Variants in HNRNPR observed in about 807,000 individuals in gnomAD.
HNRNPR encodes the protein heterogeneous nuclear ribonucleoprotein R.
Under a neutral mutation model 70.3 loss-of-function variants are expected in HNRNPR, and 4 were observed. That is an observed-to-expected ratio of 0.06 (90% confidence interval 0.03 to 0.13). HNRNPR has a LOEUF of 0.13. Among genes scored for constraint, HNRNPR ranks in the 10% least tolerant of loss-of-function variants. The pLI is 1.00. For synonymous variants in HNRNPR, 241 were observed against 267.6 expected, an observed-to-expected ratio of 0.90 and a Z score of 0.97; for missense variants, 423 against 788.5, an observed-to-expected ratio of 0.54 and a Z score of 5.55.
chr1:23,312,743 G>C (rs1645382891), intron 9 of HNRNPR, among the ~76,000 whole-genome samples: 1 of 152,132 alleles, frequency 6.6e-6, no homozygotes, highest in Non-Finnish European at 1.5e-5. Context: ...TCAGATTAGA[G>C]ATGGCAGTAT....
intron 5 of HNRNPR, among the ~76,000 whole-genome samples, chr1:23,325,105 ACT>A (rs1645917984): frequency 6.6e-6 from 1 of 151,716 alleles, no homozygotes; most frequent in Non-Finnish European, 1.5e-5. Context: ...GCGCCACTAC[ACT>A]CCAGCCTGGG....
intron 5 of HNRNPR, among the ~76,000 whole-genome samples, chr1:23,328,966 A>T (rs578098827): frequency 9.8e-5 from 15 of 152,320 alleles, no homozygotes; most frequent in East Asian, 9.6e-4. Context: ...AAAAAAATTT[A>T]AAAAATTGGC....
intron 5 of HNRNPR, among the ~76,000 whole-genome samples, chr1:23,331,834 T>TAAAAAAAAAAAAAAAAAAAA (rs59006948): frequency 1.7e-5 from 1 of 59,242 alleles, no homozygotes; most frequent in African/African-American, 4.6e-5. Context: ...ACTGTTTCTT[T>TAAAAAAAAAAAAAAAAAAAA]AAAAAAAAAA....
chr1:23,336,127 A>AAAAAAAAAAAT (rs1646471314), intron 4 of HNRNPR, among the ~76,000 whole-genome samples: 1 of 136,438 alleles, frequency 7.3e-6, no homozygotes, highest in Non-Finnish European at 1.6e-5. Flanking sequence ...AAAAAAAAAA[A>AAAAAAAAAAAT]AAAAAGTCTA....
At position 23,321,838 on chromosome 1, in the gene HNRNPR, CTTGT is replaced by C. The variant is rs527763565; in HGVS notation, c.676-179_676-176del. ...ATTTTAAACTTCATTGTTACAGTCT[CTTGT>C]TTTAGTTTGGTTTTGTTAACCTTCA... On this transcript the variant is annotated intron_variant, in intron 6 of 10. Transcript: ENST00000302271. Among the ~76,000 whole-genome samples the C allele has an allele frequency of 4.6e-5, 7 of 152,152 alleles. No individual in the cohort carries two copies. In the South Asian group the frequency reaches 6.2e-4, roughly 13 times the overall value.
intron 4 of HNRNPR, among the ~76,000 whole-genome samples, chr1:23,334,792 C>T (rs1023533841): frequency 2.6e-5 from 4 of 152,196 alleles, no homozygotes; most frequent in African/African-American, 9.7e-5. Flanking sequence ...AAGATAATCT[C>T]CTTGCTCTCA....
In HNRNPR at chr1:23,338,170, G is replaced by A. The variant is rs970830252; in HGVS notation, c.277-309C>T. Reference sequence around the variant, plus strand: ...TCCTCCCACCTACATTTTCCTCCAAGATAATAAAACAGGATCAAATAACCC... The same window carrying A: ...TCCTCCCACCTACATTTTCCTCCAAAATAATAAAACAGGATCAAATAACCC... On this transcript the variant is annotated intron_variant, in intron 3 of 10. Coordinates refer to ENST00000302271, the MANE Select transcript of HNRNPR (RefSeq NM_005826.5). 3.5e-5 allele frequency: 11 copies of A among 317,570 alleles called. No homozygotes were observed. In the East Asian group the frequency reaches 5.1e-4, roughly 15 times the overall value. The allele number at this position is 317,570 out of a possible 1,614,324, so 19.7% of individuals were successfully genotyped here. A position where few individuals can be genotyped will look rare whatever the true frequency, so the allele number is the denominator to read the frequency against.
chr1:23,313,601 C>T lies in HNRNPR; in HGVS notation c.1119G>A (p.Leu373=), dbSNP rs770767710. The change falls in exon 9 of 11, where the codon TTG becomes TTA. Residue 373 remains leucine, a synonymous_variant. Coordinates refer to ENST00000302271, the MANE Select transcript of HNRNPR (RefSeq NM_005826.5). The part of the protein sequence containing the change: ...EFGKLERVKK[L]KDYAFVHFED... ...CAAAATGAACAAATGCATAATCTTTCAACTTCTTTACTCTTTCGAGTTTTC... is the reference window on the plus strand; with the variant it reads ...CAAAATGAACAAATGCATAATCTTTTAACTTCTTTACTCTTTCGAGTTTTC... 6.3e-7 allele frequency: 1 copy of T among 1,598,042 alleles called. No homozygotes were observed. The highest frequency in any genetic ancestry group is 8.5e-7 in the Non-Finnish European group (1 of 1,175,888).
chr1:23,318,731 C>A lies in HNRNPR; in HGVS notation c.812-43G>T, dbSNP rs773057642. On this transcript the variant is annotated intron_variant, in intron 7 of 10. Coordinates refer to ENST00000302271, the MANE Select transcript of HNRNPR (RefSeq NM_005826.5). The surrounding 1 kb of genome is among the most constrained non-coding windows in gnomAD (Gnocchi z 4.2). The stretch of plus-strand genomic sequence containing the variant: ...AGATATATAAGCCAAAAGCATCCAC[C>A]ACACATCTAGCGATTAGGCAGACCT... The A allele has an allele frequency of 3.0e-5, 48 of 1,595,244 alleles. No individual in the cohort carries two copies. Among genetic ancestry groups the A allele is most frequent in the Middle Eastern group, 3.3e-4 (2 of 6,054 alleles).
In HNRNPR at chr1:23,310,471, C is replaced by T. The variant is rs1645286155; in HGVS notation, c.1885G>A (p.Gly629Arg). 1 of 1,604,002 alleles carries T rather than the reference C, an allele frequency of 6.2e-7. No individual in the cohort carries two copies. The highest frequency in any genetic ancestry group is 8.5e-7 in the Non-Finnish European group (1 of 1,175,022). The change falls in exon 11 of 11, where the codon GGG (glycine) becomes AGG (arginine). Residue 629 changes from glycine to arginine, a missense_variant. This residue lies in a region of HNRNPR where 39 missense variants were observed against 53.2 expected (regional missense o/e 0.73). Transcript: ENST00000302271. This position sits in a 1 kb window ranked among gnomAD's most constrained non-coding sequence, Gnocchi z 6.0. Reference protein sequence around the residue: ...DNQEFYQDTYGQQWK With the variant: ...DNQEFYQDTYRQQWK ...TTACTTGTCTACTTCCACTGTTGCCCATAAGTATCCTGATAAAATTCCTGG... is the reference window on the plus strand; with the variant it reads ...TTACTTGTCTACTTCCACTGTTGCCTATAAGTATCCTGATAAAATTCCTGG...
chr1:23,319,039 T>C (rs139652521), intron 7 of HNRNPR, among the ~76,000 whole-genome samples: 2 of 152,284 alleles, frequency 1.3e-5, no homozygotes, highest in Admixed American at 6.5e-5. Context: ...CCAAGAGAAC[T>C]AACTTTTGAC....
At chr1:23,330,400 T>C (rs1209866160) in intron 5 of HNRNPR, among the ~76,000 whole-genome samples, 1 of 152,040 alleles carries the variant, frequency 6.6e-6, no homozygotes, top group Admixed American at 6.6e-5. Context: ...CTGAGCATGG[T>C]GGTGCATGCT....
intron 8 of HNRNPR, among the ~76,000 whole-genome samples, chr1:23,315,118 A>C (rs1490208785): frequency 6.6e-6 from 1 of 151,930 alleles, no homozygotes; most frequent in Non-Finnish European, 1.5e-5. Flanking sequence ...TGTCTCTACT[A>C]AAAATACAAA....
rs1210075958 is a variant in HNRNPR at position 23,306,928 on chromosome 1, C to T, written c.*3526G>A. 6.6e-6 allele frequency: 1 copy of T among 152,160 alleles called. No individual in the cohort carries two copies. Among genetic ancestry groups the T allele is most frequent in the African/African-American group, 2.4e-5 (1 of 41,450 alleles). 9.4% of individuals were successfully genotyped at this position (152,160 alleles called of 1,614,324 possible). A position where few individuals can be genotyped will look rare whatever the true frequency, so the allele number is the denominator to read the frequency against. On this transcript the variant is annotated 3_prime_UTR_variant, in exon 11 of 11. Transcript: ENST00000302271. ...AACTCCACCCCTAAGTTAACAGAAG[C>T]TCCCATTCTTAGAGAAACATAAACA...
At position 23,311,662 on chromosome 1, in the gene HNRNPR, C is replaced by T. The variant is rs554409686; in HGVS notation, c.1168-340G>A. ...CCATACCAAAGAAGCAAATCCATAC[C>T]GGGGAAAAATGCCAGTATTAATACG... is the stretch of plus-strand genomic sequence containing the variant. On this transcript the variant is annotated intron_variant, in intron 9 of 10. Transcript: ENST00000302271. 6.2e-4 allele frequency: 114 copies of T among 183,732 alleles called. 2 individuals carry two copies. In the South Asian group the frequency reaches 0.013, roughly 21 times the overall value. The allele number at this position is 183,732 out of a possible 1,614,324, so 11.4% of individuals were successfully genotyped here.
Position 23,310,412 on chromosome 1 carries a change from C to G in HNRNPR, c.*42G>C. On this transcript the variant is annotated 3_prime_UTR_variant, in exon 11 of 11. Coordinates refer to ENST00000302271, the MANE Select transcript of HNRNPR (RefSeq NM_005826.5). This position sits in a 1 kb window ranked among gnomAD's most constrained non-coding sequence, Gnocchi z 6.0. ...TTTTTTGAAGAATGTAGATCTAGAG[C>G]CAATCGTATCTTGCCAGTATCATTT... 3.3e-6 allele frequency: 5 copies of G among 1,512,136 alleles called. No individual in the cohort carries two copies. The highest frequency in any genetic ancestry group is 2.2e-5 in the Admixed American group (1 of 45,810). 93.7% of individuals were successfully genotyped at this position (1,512,136 alleles called of 1,614,324 possible).
chr1:23,316,967 T>G (rs1645568482), intron 8 of HNRNPR, among the ~76,000 whole-genome samples: 1 of 152,130 alleles, frequency 6.6e-6, no homozygotes, highest in South Asian at 2.1e-4. Context: ...AACCCAGACT[T>G]TATACAAGTA....
chr1:23,341,125 TC>T (rs1447834012), intron 1 of HNRNPR, 108 bp from the exon 2 acceptor site: 5 of 741,278 alleles, frequency 6.7e-6, no homozygotes, highest in African/African-American at 1.8e-5. Context: ...GCTAATAACC[TC>T]TATCAAAATA....
rs146654915 is a variant in HNRNPR, at chr1:23,323,598, G to A, written c.633C>T (p.Ile211=). Residue 211 remains isoleucine (I), a synonymous_variant, in exon 6 of 11, where the codon ATC becomes ATT. Transcript: ENST00000302271. ...LSGQNRGYAF[I]TFCGKEAAQE... ...GTGCAGCTTCCTTTCCACAGAAGGT[G>A]ATAAATGCATACCCTCTATTCTGAC... 31 of 1,613,862 alleles carry A rather than the reference G, an allele frequency of 1.9e-5. No homozygotes were observed. The highest frequency in any genetic ancestry group is 2.5e-5 in the Non-Finnish European group (29 of 1,179,908).
Sources: allele counts gnomAD v4.1 joint callset (sites outside exome capture counted in the v4.1 genomes callset), GRCh38; gene constraint gnomAD v4.1.1; regional missense constraint gnomAD v4.1.1; non-coding constraint Gnocchi (gnomAD v3.1); transcripts MANE v1.5; gene names NCBI Gene and HGNC (gene_info 2026-07-23, HGNC 2026-07-21).